Variants in SNX30 observed in about 807,000 individuals in gnomAD.
SNX30 encodes the protein sorting nexin family member 30.
In SNX30, 24 loss-of-function variants were observed where a neutral mutation model predicts 46.4. The observed-to-expected ratio is 0.52, with a 90% CI of 0.37 to 0.73. The LOEUF (loss-of-function observed/expected upper bound fraction) is 0.73, where lower values mean the gene tolerates loss of function less well. SNX30 is among the 30% of genes least tolerant of loss of function. SNX30 has a pLI of 0.00. For missense variants in SNX30, 533 were observed against 555.7 expected, an observed-to-expected ratio of 0.96 and a Z score of 0.41; for synonymous variants, 189 against 211.5, an observed-to-expected ratio of 0.89 and a Z score of 0.92.
At chr9:112,865,680 C>G (rs1461034072) in intron 8 of SNX30, among the ~76,000 whole-genome samples, 1 of 126,116 alleles carries the variant, frequency 7.9e-6, no homozygotes, top group African/African-American at 3.0e-5. Flanking sequence ...TGTATGCACA[C>G]ACACACACAC....
chr9:112,773,112 C>T (rs552262605), intron 1 of SNX30, among the ~76,000 whole-genome samples: 3 of 152,270 alleles, frequency 2.0e-5, no homozygotes, highest in Admixed American at 2.0e-4. Flanking sequence ...TTGGTTAGAG[C>T]AATGTAGGTG....
At chr9:112,753,002 T>C (rs1435954503) in intron 1 of SNX30, among the ~76,000 whole-genome samples, 1 of 152,216 alleles carries the variant, frequency 6.6e-6, no homozygotes, top group Non-Finnish European at 1.5e-5. Context: ...CTCAAGACTC[T>C]AGCCAGTCTT....
chr9:112,809,736 G>A (rs1218558389), intron 2 of SNX30, among the ~76,000 whole-genome samples: 1 of 152,130 alleles, frequency 6.6e-6, no homozygotes, highest in Non-Finnish European at 1.5e-5. Flanking sequence ...TTTCATTGGT[G>A]TAGTGATGCA....
chr9:112,761,897 A>C (rs930515663), intron 1 of SNX30, among the ~76,000 whole-genome samples: 1 of 142,928 alleles, frequency 7.0e-6, no homozygotes, highest in Non-Finnish European at 1.6e-5. Context: ...ACTGGAATAG[A>C]AGATGGAGAG....
chr9:112,837,205 T>A (rs1840770842), intron 5 of SNX30, among the ~76,000 whole-genome samples: 1 of 151,966 alleles, frequency 6.6e-6, no homozygotes, highest in Non-Finnish European at 1.5e-5. Context: ...GGGAAAAAAA[T>A]CAACATTTTT....
downstream of SNX30, chr9:112,879,219 CTT>C (rs1382785308): frequency 6.6e-6 from 1 of 152,250 alleles, no homozygotes; most frequent in Non-Finnish European, 1.5e-5. Flanking sequence ...AGAAAGCTGA[CTT>C]TTTTCAAGGT....
chr9:112,865,700 CAT>C lies in SNX30; in HGVS notation c.1254+1309_1254+1310del, dbSNP rs560361031. ...GCACACACACACACACGTATACACA[CAT>C]ATATATACACACATATACATACATA... On this transcript the variant is annotated intron_variant, in intron 8 of 8. Transcript: ENST00000374232. 3.6e-3 allele frequency among the ~76,000 whole-genome samples: 492 copies of C among 136,912 alleles called. 10 individuals are homozygous for C. Among genetic ancestry groups the C allele is most frequent in the African/African-American group, 0.013 (460 of 36,244 alleles). The allele number at this position is 136,912 out of a possible 152,430, so 89.8% of individuals were successfully genotyped here.
chr9:112,885,063 T>C (rs1262533434), downstream of SNX30: 1 of 152,156 alleles, frequency 6.6e-6, no homozygotes, highest in Non-Finnish European at 1.5e-5. Context: ...GCTAGCTCAG[T>C]TTGCACCTTA....
intron 1 of SNX30, among the ~76,000 whole-genome samples, chr9:112,776,280 T>C (rs1044497205): frequency 2.6e-5 from 4 of 152,222 alleles, no homozygotes; most frequent in African/African-American, 9.7e-5. Flanking sequence ...TTATTTTCAC[T>C]GTGTCTCCTG....
chr9:112,790,221 A>C (rs1839997454), intron 1 of SNX30, among the ~76,000 whole-genome samples: 1 of 152,206 alleles, frequency 6.6e-6, no homozygotes, highest in Non-Finnish European at 1.5e-5. Flanking sequence ...ACAAAAGATA[A>C]ATCTCTATGT....
Position 112,872,140 on chromosome 9 carries a change from T to G in SNX30, c.*3297T>G, listed in dbSNP as rs1390927448. ...CCCCACCCAGAGTGTGCTCTAGATG[T>G]TGTTGATTTGAATGGTTTTCCCAGT... On this transcript the variant is annotated 3_prime_UTR_variant, in exon 9 of 9. Coordinates refer to ENST00000374232, the MANE Select transcript of SNX30 (RefSeq NM_001012994.2). 1 of 152,166 alleles carries G rather than the reference T, an allele frequency of 6.6e-6. No individual in the cohort carries two copies. The highest frequency in any genetic ancestry group is 1.9e-4 in the East Asian group (1 of 5,200). 9.4% of individuals were successfully genotyped at this position (152,166 alleles called of 1,614,324 possible).
At chr9:112,837,862 C>T (rs1412325319) in intron 5 of SNX30, among the ~76,000 whole-genome samples, 5 of 149,588 alleles carry the variant, frequency 3.3e-5, no homozygotes, top group Non-Finnish European at 5.9e-5. Flanking sequence ...CTGCTTCACA[C>T]TATGGGTAGG....
At chr9:112,818,319 T>C (rs1228568718) in intron 3 of SNX30, among the ~76,000 whole-genome samples, 2 of 150,440 alleles carry the variant, frequency 1.3e-5, no homozygotes, top group Non-Finnish European at 3.0e-5. Flanking sequence ...CACCTGCCCC[T>C]ACCAGGTTCA....
At chr9:112,879,284 A>G (rs1444176240), downstream of SNX30, 1 of 153,906 alleles carries the variant, frequency 6.5e-6, no homozygotes. Flanking sequence ...TAGTTCTTAC[A>G]AAACATCCCT....
Position 112,873,863 on chromosome 9 carries a change from T to C in SNX30, c.*5020T>C, listed in dbSNP as rs534247687. 15 of 152,330 alleles carry C rather than the reference T, an allele frequency of 9.8e-5. No homozygotes were observed. Among genetic ancestry groups the C allele is most frequent in the African/African-American group, 3.4e-4 (14 of 41,574 alleles). 9.4% of individuals were successfully genotyped at this position (152,330 alleles called of 1,614,324 possible). On this transcript the variant is annotated 3_prime_UTR_variant, in exon 9 of 9. Transcript: ENST00000374232. Reference sequence around the variant, plus strand: ...GATAGAAATTCTCTATGGGTTGAAATGCCAAAAACAGAAAACATGATGTTG... The same window carrying C: ...GATAGAAATTCTCTATGGGTTGAAACGCCAAAAACAGAAAACATGATGTTG...
chr9:112,750,991 C>T lies in SNX30; in HGVS notation c.-11C>T, dbSNP rs2131339111. 2.4e-6 allele frequency: 3 copies of T among 1,241,614 alleles called. No homozygotes were observed. The highest frequency in any genetic ancestry group is 6.4e-5 in the East Asian group (2 of 31,082). 76.9% of individuals were successfully genotyped at this position (1,241,614 alleles called of 1,614,324 possible). ...GGAAGCGGCGGCGGCGCGTCCCGAGCGGTGCGCGCCATGGCGGGCGGGCCC... is the reference window on the plus strand; with the variant it reads ...GGAAGCGGCGGCGGCGCGTCCCGAGTGGTGCGCGCCATGGCGGGCGGGCCC... On this transcript the variant is annotated 5_prime_UTR_variant, in exon 1 of 9. Coordinates refer to ENST00000374232, the MANE Select transcript of SNX30 (RefSeq NM_001012994.2).
At chr9:112,835,261 C>G (rs1840734523) in intron 4 of SNX30, among the ~76,000 whole-genome samples, 1 of 152,120 alleles carries the variant, frequency 6.6e-6, no homozygotes, top group Non-Finnish European at 1.5e-5. Context: ...ACAGGACAAC[C>G]TGAAGATTGT....
intron 1 of SNX30, among the ~76,000 whole-genome samples, chr9:112,772,635 A>G (rs180816353): frequency 3.3e-5 from 5 of 152,258 alleles, no homozygotes; most frequent in Admixed American, 3.3e-4. Flanking sequence ...AAATCATTCA[A>G]ATTCTCTTAG....
chr9:112,832,184 C>G (rs916490535), intron 4 of SNX30, among the ~76,000 whole-genome samples: 3 of 151,828 alleles, frequency 2.0e-5, no homozygotes, highest in Non-Finnish European at 2.9e-5. Context: ...TCCCCCCCTA[C>G]AGGTTGGACA....
Sources: gnomAD v4.1 joint callset for allele counts (sites outside exome capture counted in the v4.1 genomes callset) on GRCh38, gnomAD v4.1.1 for gene constraint, MANE v1.5 for transcripts, NCBI Gene and HGNC (gene_info 2026-07-23, HGNC 2026-07-21) for gene names.